Variants in CHRM3 observed in about 807,000 individuals in gnomAD.
CHRM3 encodes the protein muscarinic acetylcholine receptor M3.
CHRM3 carries 11 observed loss-of-function variants against 41.8 expected under a neutral mutation model. That is an observed-to-expected ratio of 0.26 (90% CI 0.17 to 0.44). CHRM3 has a LOEUF of 0.44. Ranked by LOEUF, CHRM3 falls within the 20% of genes least tolerant of loss-of-function variation. The pLI is 1.00. For synonymous variants in CHRM3, 297 were observed against 301.4 expected (o/e 0.99, Z 0.15); for missense variants, 571 against 745.4 (o/e 0.77, Z 2.72).
Position 239,525,760 on chromosome 1 carries a change from G to A in CHRM3, c.-421-19881G>A, listed in dbSNP as rs190085469. ...TTGCAGTGATGCATTTTTTCCACAG[G>A]ACAGTTTTCTTTTTTATTGTTATTT... On this transcript the variant is annotated intron_variant, in intron 2 of 6. Transcript: ENST00000676153. 1.1e-3 allele frequency among the ~76,000 whole-genome samples: 161 copies of A among 152,224 alleles called. 1 individual carries two copies. Among genetic ancestry groups the A allele is most frequent in the Non-Finnish European group, 2.0e-3 (137 of 68,018 alleles).
intron 5 of CHRM3, among the ~76,000 whole-genome samples, chr1:239,758,140 G>T (rs78494891): frequency 0.062 from 9,457 of 152,230 alleles, 723 homozygotes; most frequent in African/African-American, 0.17. Flanking sequence ...CATTGAGGCT[G>T]AGGGTAGGGA....
chr1:239,863,239 C>T (rs1675784334), intron 6 of CHRM3, among the ~76,000 whole-genome samples: 1 of 152,116 alleles, frequency 6.6e-6, no homozygotes, highest in African/African-American at 2.4e-5. Flanking sequence ...GCCTTGCTAC[C>T]ATAAAGGTAG....
At chr1:239,629,621 A>C (rs906596082) in intron 3 of CHRM3, 20 of 152,350 alleles carry the variant, frequency 1.3e-4, no homozygotes, top group African/African-American at 4.6e-4. Flanking sequence ...TTTTGTGTGC[A>C]CTGGGAAACC....
At chr1:239,904,500 T>G (rs368199951) in intron 6 of CHRM3, among the ~76,000 whole-genome samples, 1 of 152,308 alleles carries the variant, frequency 6.6e-6, no homozygotes, top group South Asian at 2.1e-4. Context: ...CCTTTAGAAC[T>G]GCAGTAAACT....
chr1:239,792,761 A>C (rs1272969003), intron 5 of CHRM3, among the ~76,000 whole-genome samples: 1 of 152,210 alleles, frequency 6.6e-6, no homozygotes, highest in African/African-American at 2.4e-5. Flanking sequence ...GGACCACAGA[A>C]TCAAGCTTAA....
At chr1:239,450,402 T>C (rs1432391973) in intron 1 of CHRM3, among the ~76,000 whole-genome samples, 1 of 152,210 alleles carries the variant, frequency 6.6e-6, no homozygotes. Flanking sequence ...AACTTAGGAA[T>C]TTATTTGTAT....
chr1:239,411,314 T>C (rs1162453061), intron 1 of CHRM3, among the ~76,000 whole-genome samples: 9 of 152,178 alleles, frequency 5.9e-5, no homozygotes, highest in African/African-American at 1.7e-4. Context: ...TAAAGCATTG[T>C]GCCTTTCACT....
intron 6 of CHRM3, among the ~76,000 whole-genome samples, chr1:239,893,917 A>C (rs977203042): frequency 6.6e-6 from 1 of 152,022 alleles, no homozygotes; most frequent in African/African-American, 2.4e-5. Flanking sequence ...CCTATTGGTG[A>C]GGTTTTTCCG....
At chr1:239,601,094 A>G (rs771854801) in intron 3 of CHRM3, among the ~76,000 whole-genome samples, 5 of 152,200 alleles carry the variant, frequency 3.3e-5, no homozygotes, top group East Asian at 1.9e-4. Context: ...AGGATTATAT[A>G]ACTTCTTAAG....
chr1:239,684,086 GAGA>G (rs959515211), intron 5 of CHRM3, among the ~76,000 whole-genome samples: 5 of 152,162 alleles, frequency 3.3e-5, no homozygotes, highest in Admixed American at 6.5e-5. Flanking sequence ...TCCCGTGTGG[GAGA>G]AGATTTTTTA....
chr1:239,507,353 C>T (rs1275630759), intron 2 of CHRM3, among the ~76,000 whole-genome samples: 2 of 152,156 alleles, frequency 1.3e-5, no homozygotes, highest in African/African-American at 4.8e-5. Flanking sequence ...CTCATGAGAT[C>T]TGATGGTTAT....
chr1:239,637,725 G>C (rs2355231), intron 4 of CHRM3, among the ~76,000 whole-genome samples: 1 of 140,724 alleles, frequency 7.1e-6, no homozygotes, highest in Admixed American at 7.0e-5. Flanking sequence ...TTTTTTTTTT[G>C]GGGAATTTGT....
At chr1:239,747,967 G>A (rs149923889) in intron 5 of CHRM3, among the ~76,000 whole-genome samples, 1,722 of 152,236 alleles carry the variant, frequency 0.011, 31 homozygotes, top group African/African-American at 0.04. Flanking sequence ...AACCCCAGAG[G>A]CAGAAGTTGC....
intron 5 of CHRM3, among the ~76,000 whole-genome samples, chr1:239,724,400 A>T (rs78386100): frequency 0.025 from 3,814 of 152,050 alleles, 75 homozygotes; most frequent in South Asian, 0.041. Flanking sequence ...ATCACCATAT[A>T]TGGTAGTGGC....
intron 5 of CHRM3, among the ~76,000 whole-genome samples, chr1:239,737,446 C>T (rs1406767493): frequency 2.6e-5 from 4 of 152,080 alleles, no homozygotes; most frequent in Admixed American, 1.3e-4. Flanking sequence ...AAAAAATAAA[C>T]ACACAACTAA....
intron 5 of CHRM3, among the ~76,000 whole-genome samples, chr1:239,782,127 T>C (rs545817506): frequency 8.5e-5 from 13 of 152,120 alleles, no homozygotes; most frequent in African/African-American, 2.7e-4. Flanking sequence ...GTTAGCCTCA[T>C]AGAGTGTATT....
At chr1:239,507,276 C>G (rs1481229653) in intron 2 of CHRM3, among the ~76,000 whole-genome samples, 9 of 152,122 alleles carry the variant, frequency 5.9e-5, no homozygotes, top group African/African-American at 1.4e-4. Context: ...GGGAGGGACA[C>G]AGTGGGAGGT....
chr1:239,790,070 T>C (rs1397762332), intron 5 of CHRM3, among the ~76,000 whole-genome samples: 2 of 152,146 alleles, frequency 1.3e-5, no homozygotes, highest in African/African-American at 2.4e-5. Flanking sequence ...GTACCCTAGG[T>C]GTATTTACTC....
chr1:239,836,920 A>T (rs1284237032), intron 6 of CHRM3, among the ~76,000 whole-genome samples: 1 of 151,590 alleles, frequency 6.6e-6, no homozygotes, highest in Non-Finnish European at 1.5e-5. Flanking sequence ...AGTTGCAGCG[A>T]GCCGAGATAG....
Sources: gnomAD v4.1 joint callset for allele counts (sites outside exome capture counted in the v4.1 genomes callset) on GRCh38, gnomAD v4.1.1 for gene constraint, MANE v1.5 for transcripts, NCBI Gene and HGNC (gene_info 2026-07-23, HGNC 2026-07-21) for gene names.